Variants in COL5A2 observed in about 807,000 individuals in gnomAD.
COL5A2 encodes collagen alpha-2(V) chain.
COL5A2 carries 23 observed loss-of-function variants against 208.2 expected under a neutral mutation model. The ratio of observed to expected loss-of-function variants is 0.11; its 90% CI spans 0.08 to 0.16. The LOEUF (loss-of-function observed/expected upper bound fraction) is 0.16, where lower values mean the gene tolerates loss of function less well. Ranked by LOEUF, COL5A2 falls within the 10% of genes least tolerant of loss-of-function variation. The pLI, the probability that COL5A2 is intolerant of heterozygous loss-of-function variation, is 1.00. For missense variants in COL5A2, 1,590 were observed against 1,956.4 expected (o/e 0.81, Z 3.53); for synonymous variants, 625 against 628.5 (o/e 0.99, Z 0.08).
chr2:189,312,126 G>A, the COL5A2 span, among the ~76,000 whole-genome samples: 10,011 of 152,184 alleles, frequency 0.066, 454 homozygotes, highest in Middle Eastern at 0.12. Context: ...GAAGATCTGA[G>A]ACCTCAGGTC....
the COL5A2 span, among the ~76,000 whole-genome samples, chr2:189,256,936 C>T: frequency 1.3e-5 from 2 of 152,178 alleles, no homozygotes; most frequent in African/African-American, 4.8e-5. Flanking sequence ...CCACTGTCCT[C>T]ATACTTTTAT....
chr2:189,113,184 T>C (rs1488562844), intron 1 of COL5A2, among the ~76,000 whole-genome samples: 1 of 152,122 alleles, frequency 6.6e-6, no homozygotes, highest in Admixed American at 6.5e-5. Flanking sequence ...AATCCCAGCA[T>C]GTTGGGAGGC....
the COL5A2 span, among the ~76,000 whole-genome samples, chr2:189,273,814 C>T: frequency 0.58 from 88,629 of 151,758 alleles, 27,118 homozygotes; most frequent in East Asian, 0.72. Context: ...GTCATGGAAG[C>T]AGAGGGTAGA....
chr2:189,084,301 G>A (rs1486003353), intron 11 of COL5A2, among the ~76,000 whole-genome samples: 2 of 152,052 alleles, frequency 1.3e-5, no homozygotes, highest in Non-Finnish European at 2.9e-5. Context: ...GTCTGATGTA[G>A]CTCACTATTT....
At chr2:189,054,349 A>G (rs771142363) in intron 35 of COL5A2, 137 bp from the exon 36 acceptor site, 13 of 670,632 alleles carry the variant, frequency 1.9e-5, no homozygotes, top group Non-Finnish European at 2.9e-5. Context: ...TCTATAATAA[A>G]TGATATAATC....
intron 1 of COL5A2, among the ~76,000 whole-genome samples, chr2:189,175,253 A>T (rs1688653312): frequency 6.6e-6 from 1 of 152,160 alleles, no homozygotes; most frequent in Admixed American, 6.5e-5. Context: ...GCCAACTGTA[A>T]GTAAGTTTAA....
chr2:189,079,999 T>C lies in COL5A2; in HGVS notation c.939A>G (p.Glu313=). 1 of 1,613,078 alleles carries C rather than the reference T, an allele frequency of 6.2e-7. No individual in the cohort carries two copies. The highest frequency in any genetic ancestry group is 8.5e-7 in the Non-Finnish European group (1 of 1,179,176). The change falls in exon 14 of 54, where the codon GAA becomes GAG. Residue 313 remains glutamate, a synonymous_variant. Transcript: ENST00000374866. ...GHKGLEGPKG[E]VGAPGSKGEA... Reference sequence around the variant, plus strand: ...TTACCTTGGAACCAGGTGCTCCAACTTCACCTTTAGGGCCTTCAAGACCTT... The same window carrying C: ...TTACCTTGGAACCAGGTGCTCCAACCTCACCTTTAGGGCCTTCAAGACCTT...
chr2:189,112,709 G>C (rs1285486178), intron 1 of COL5A2, among the ~76,000 whole-genome samples: 2 of 152,136 alleles, frequency 1.3e-5, no homozygotes, highest in African/African-American at 4.8e-5. Flanking sequence ...TTAGCTCTAT[G>C]TCCATAGTGC....
the COL5A2 span, among the ~76,000 whole-genome samples, chr2:189,233,973 ATTGT>A: frequency 6.6e-6 from 1 of 151,484 alleles, no homozygotes; most frequent in Non-Finnish European, 1.5e-5. Context: ...TATTTTAATG[ATTGT>A]TTTATTTTTG....
intron 21 of COL5A2, 66 bp from the exon 22 acceptor site, chr2:189,066,848 G>T: frequency 8.0e-7 from 1 of 1,250,160 alleles, no homozygotes; most frequent in Non-Finnish European, 1.2e-6. Flanking sequence ...GCTCAAATTA[G>T]TTACAATAAA....
chr2:189,238,959 T>C, the COL5A2 span, among the ~76,000 whole-genome samples: 1 of 152,174 alleles, frequency 6.6e-6, no homozygotes, highest in Non-Finnish European at 1.5e-5. Flanking sequence ...AAATAAAATA[T>C]TTATTATACT....
At chr2:189,301,092 TG>T in the COL5A2 span, among the ~76,000 whole-genome samples, 7,293 of 151,864 alleles carry the variant, frequency 0.048, 210 homozygotes, top group African/African-American at 0.074. Flanking sequence ...GAAGCTGTGG[TG>T]GGGGATTGCT....
At chr2:189,313,424 C>A in the COL5A2 span, among the ~76,000 whole-genome samples, 5 of 152,138 alleles carry the variant, frequency 3.3e-5, no homozygotes, top group Non-Finnish European at 5.9e-5. Flanking sequence ...AACTGCCTTA[C>A]AAGAGATCCT....
chr2:189,234,443 G>A, the COL5A2 span, among the ~76,000 whole-genome samples: 1 of 151,716 alleles, frequency 6.6e-6, no homozygotes, highest in Non-Finnish European at 1.5e-5. Flanking sequence ...TATATTGGCT[G>A]AATCGCATAT....
chr2:189,357,774 A>AAAC, the COL5A2 span, among the ~76,000 whole-genome samples: 8 of 151,166 alleles, frequency 5.3e-5, no homozygotes, highest in East Asian at 7.8e-4. Flanking sequence ...AAAAAAAAAA[A>AAAC]AAAAAACTCC....
At chr2:189,293,013 C>G in the COL5A2 span, among the ~76,000 whole-genome samples, 2 of 151,480 alleles carry the variant, frequency 1.3e-5, no homozygotes, top group African/African-American at 4.9e-5. Flanking sequence ...AACAAAAAAC[C>G]AAACACCGCA....
At chr2:189,112,866 C>T (rs1321785992) in intron 1 of COL5A2, among the ~76,000 whole-genome samples, 1 of 152,130 alleles carries the variant, frequency 6.6e-6, no homozygotes, top group Non-Finnish European at 1.5e-5. Flanking sequence ...CAGTGTAATT[C>T]CATGAATAAC....
the COL5A2 span, among the ~76,000 whole-genome samples, chr2:189,436,079 A>G: frequency 6.6e-5 from 10 of 152,192 alleles, no homozygotes; most frequent in African/African-American, 2.2e-4. Flanking sequence ...TCACCAGGAT[A>G]AAAAACCAAA....
the COL5A2 span, chr2:189,311,908 G>T: frequency 1.2e-6 from 1 of 854,786 alleles, no homozygotes; most frequent in South Asian, 1.3e-5. Flanking sequence ...TCTTTATAAA[G>T]AGCAGCTCTG....
Sources: gnomAD v4.1 joint callset for allele counts (sites outside exome capture counted in the v4.1 genomes callset) on GRCh38, gnomAD v4.1.1 for gene constraint, MANE v1.5 for transcripts, NCBI Gene and HGNC (gene_info 2026-07-23, HGNC 2026-07-21) for gene names.